The following RPH3AL variants were observed in gnomAD, a reference collection of about 807,000 sequenced individuals.
RPH3AL encodes rab effector Noc2.
RPH3AL carries 38 observed loss-of-function variants against 43.1 expected under a neutral mutation model. The ratio of observed to expected loss-of-function variants is 0.88; its 90% CI spans 0.68 to 1.15. The LOEUF (loss-of-function observed/expected upper bound fraction) is 1.15. Among genes scored for constraint, RPH3AL ranks in the 50% most tolerant of loss-of-function variants. RPH3AL has a pLI of 0.00. For missense variants in RPH3AL, 462 were observed against 423.2 expected, an observed-to-expected ratio of 1.09 and a Z score of -0.81; for synonymous variants, 189 against 176.3, an observed-to-expected ratio of 1.07 and a Z score of -0.57.
rs1433142669 is a variant in RPH3AL, at chr17:328,160, C to T, written c.-36-581G>A. 6.6e-6 allele frequency among the ~76,000 whole-genome samples: 1 copy of T among 151,998 alleles called. No individual in the cohort carries two copies. Among genetic ancestry groups the T allele is most frequent in the East Asian group, 1.9e-4 (1 of 5,166 alleles). On this transcript the variant is annotated intron_variant, in intron 2 of 9. Transcript: ENST00000331302. This position sits in a 1 kb window ranked among gnomAD's most constrained non-coding sequence, Gnocchi z 4.2. The stretch of plus-strand genomic sequence containing the variant: ...CAGCACCATGCCAAGGGGAGCCGTC[C>T]ATAGACACTGCCATGAAAATGGCAC...
intron 1 of RPH3AL, among the ~76,000 whole-genome samples, chr17:344,241 A>G (rs1941510587): frequency 7.8e-6 from 1 of 128,014 alleles, no homozygotes; most frequent in South Asian, 2.7e-4. Context: ...CTGTTACATC[A>G]TCATCATATT....
intron 7 of RPH3AL, among the ~76,000 whole-genome samples, chr17:244,778 G>A (rs556260778): frequency 1.0e-3 from 152 of 152,328 alleles, no homozygotes; most frequent in African/African-American, 3.4e-3. Context: ...CCAAGTCTGC[G>A]TGCCTGAGGA....
chr17:229,438 C>G (rs2041176717), intron 7 of RPH3AL, among the ~76,000 whole-genome samples: 1 of 152,232 alleles, frequency 6.6e-6, no homozygotes, highest in African/African-American at 2.4e-5. Context: ...CTGGGGTCAG[C>G]AAGGGGTGGG....
Position 332,906 on chromosome 17 carries a change from G to A in RPH3AL, c.-37+853C>T, listed in dbSNP as rs371292516. 857 of 791,354 alleles carry A rather than the reference G, an allele frequency of 1.1e-3. 5 individuals are homozygous for A. In the African/African-American group the frequency reaches 0.013, roughly 12 times the overall value. The allele number at this position is 791,354 out of a possible 1,614,324, so 49.0% of individuals were successfully genotyped here. ...TGTTCCGGAACCCTTGTAAAACCCC[G>A]CAGTACAGGGACTAGGAGGACCCGA... On this transcript the variant is annotated intron_variant, in intron 2 of 9. Coordinates refer to ENST00000331302, the MANE Select transcript of RPH3AL (RefSeq NM_006987.4).
intron 5 of RPH3AL, among the ~76,000 whole-genome samples, chr17:309,812 C>T (rs2043600318): frequency 6.6e-6 from 1 of 152,166 alleles, no homozygotes. Flanking sequence ...GGACACATCC[C>T]CTCCTCGGTG....
intron 2 of RPH3AL, chr17:332,726 G>T: frequency 3.6e-6 from 1 of 276,414 alleles, no homozygotes; most frequent in Non-Finnish European, 7.3e-6. Flanking sequence ...CCTCAAGGCA[G>T]CTCCACCTGA....
At chr17:241,711 C>CTTTTTTTTTT (rs1001979455) in intron 7 of RPH3AL, among the ~76,000 whole-genome samples, 15 of 92,760 alleles carry the variant, frequency 1.6e-4, no homozygotes, top group South Asian at 4.4e-4. Context: ...GTTTCTTTTT[C>CTTTTTTTTTT]TTTTTTTTTC....
intron 5 of RPH3AL, among the ~76,000 whole-genome samples, chr17:297,446 G>A (rs118042355): frequency 0.013 from 1,922 of 152,288 alleles, 21 homozygotes; most frequent in Middle Eastern, 0.048. Context: ...TCTGAGGCGG[G>A]GGACAGTCCT....
At chr17:258,602 C>G (rs1010226774) in intron 6 of RPH3AL, among the ~76,000 whole-genome samples, 9 of 152,164 alleles carry the variant, frequency 5.9e-5, no homozygotes, top group African/African-American at 1.9e-4. Context: ...GCCCGTGCCT[C>G]AGCCTTGCCT....
intron 6 of RPH3AL, among the ~76,000 whole-genome samples, chr17:260,804 T>C (rs1317042887): frequency 6.6e-6 from 1 of 152,016 alleles, no homozygotes; most frequent in Non-Finnish European, 1.5e-5. Flanking sequence ...CCTCTCAGCC[T>C]CACCTCTCAC....
intron 6 of RPH3AL, among the ~76,000 whole-genome samples, chr17:268,315 G>A (rs1160374634): frequency 2.0e-5 from 3 of 152,022 alleles, no homozygotes; most frequent in African/African-American, 7.2e-5. Context: ...AGACCTTCAC[G>A]ATGACCCACT....
chr17:240,926 G>A (rs1295606639), intron 7 of RPH3AL, among the ~76,000 whole-genome samples: 4 of 151,930 alleles, frequency 2.6e-5, no homozygotes, highest in African/African-American at 7.3e-5. Flanking sequence ...GGCGTGTAGC[G>A]GGCGCCTGTA....
intron 6 of RPH3AL, among the ~76,000 whole-genome samples, chr17:260,394 T>C (rs1396358827): frequency 3.3e-5 from 5 of 152,200 alleles, no homozygotes; most frequent in African/African-American, 1.2e-4. Context: ...AGGGCAGGGC[T>C]GTGCCTGAGC....
chr17:245,462 TGTGTGCGTGGATGTGA>T lies in RPH3AL; in HGVS notation c.613+1633_613+1648del, dbSNP rs1555539564. On this transcript the variant is annotated intron_variant, in intron 7 of 9. Coordinates refer to ENST00000331302, the MANE Select transcript of RPH3AL (RefSeq NM_006987.4). The surrounding 1 kb of genome is among the most constrained non-coding windows in gnomAD (Gnocchi z 5.9). ...GAGCGTGTGTCAATGCGGTTGTGTTTGTGTGCGTGGATGTGAGTGTGTGTGTATGCCCTGACTTGGA... is the reference window on the plus strand; with the variant it reads ...GAGCGTGTGTCAATGCGGTTGTGTTTGTGTGTGTGTATGCCCTGACTTGGA... 6.6e-6 allele frequency among the ~76,000 whole-genome samples: 1 copy of T among 151,442 alleles called. No homozygotes were observed. The highest frequency in any genetic ancestry group is 1.5e-5 in the Non-Finnish European group (1 of 67,862).
At chr17:263,540 A>G (rs1430804334) in intron 6 of RPH3AL, among the ~76,000 whole-genome samples, 1 of 152,244 alleles carries the variant, frequency 6.6e-6, no homozygotes, top group Non-Finnish European at 1.5e-5. Flanking sequence ...TGATTTTTTA[A>G]AACCATATGA....
intron 1 of RPH3AL, among the ~76,000 whole-genome samples, chr17:345,524 C>T (rs2045218356): frequency 7.4e-6 from 1 of 134,950 alleles, no homozygotes; most frequent in African/African-American, 2.5e-5. Context: ...GAAACAGAAA[C>T]AGCCACCCAG....
chr17:319,332 C>A, intron 5 of RPH3AL, 88 bp downstream of exon 5: 2 of 1,481,534 alleles, frequency 1.3e-6, no homozygotes, highest in Non-Finnish European at 9.2e-7. Context: ...GACATACACA[C>A]TCCTGGGAGC....
intron 8 of RPH3AL, among the ~76,000 whole-genome samples, chr17:218,037 C>T (rs1466004197): frequency 8.6e-6 from 1 of 115,894 alleles, no homozygotes; most frequent in Non-Finnish European, 1.8e-5. Flanking sequence ...TAAAATTGGC[C>T]TCACTGGAAT....
chr17:225,549 T>G lies in RPH3AL; in HGVS notation c.614-5813A>C, dbSNP rs570546500. Reference sequence around the variant, plus strand: ...GCTCCTGGAGCAAGTTGTTCCCATGTTGCCCTTGGGGCAGCTACAGTGAAA... The same window carrying G: ...GCTCCTGGAGCAAGTTGTTCCCATGGTGCCCTTGGGGCAGCTACAGTGAAA... On this transcript the variant is annotated intron_variant, in intron 7 of 9. Coordinates refer to ENST00000331302, the MANE Select transcript of RPH3AL (RefSeq NM_006987.4). This position sits in a 1 kb window ranked among gnomAD's most constrained non-coding sequence, Gnocchi z 4.4. 6.6e-6 allele frequency among the ~76,000 whole-genome samples: 1 copy of G among 152,320 alleles called. No homozygotes were observed. Among genetic ancestry groups the G allele is most frequent in the Non-Finnish European group, 1.5e-5 (1 of 68,018 alleles).
Sources: gnomAD v4.1 joint callset for allele counts (sites outside exome capture counted in the v4.1 genomes callset) on GRCh38, gnomAD v4.1.1 for gene constraint, Gnocchi (gnomAD v3.1) non-coding constraint, MANE v1.5 for transcripts, NCBI Gene and HGNC (gene_info 2026-07-23, HGNC 2026-07-21) for gene names.